The following CACNG8 variants were observed in gnomAD, a reference collection of about 807,000 sequenced individuals.
The protein encoded by CACNG8 is calcium voltage-gated channel auxiliary subunit gamma 8.
Under a neutral mutation model 26.9 loss-of-function variants are expected in CACNG8, and 5 were observed. The ratio of observed to expected loss-of-function variants is 0.19; its 90% CI spans 0.10 to 0.39. CACNG8 has a LOEUF of 0.39. Ranked by LOEUF, CACNG8 falls within the 10% of genes least tolerant of loss-of-function variation. The probability of loss-of-function intolerance (pLI) is 1.00; values close to 1 mark genes in which losing one functional copy is unlikely to be tolerated. For missense variants in CACNG8, 473 were observed against 609.4 expected (o/e 0.78, Z 2.36); for synonymous variants, 321 against 296.7 (o/e 1.08, Z -0.84).
intron 1 of CACNG8, among the ~76,000 whole-genome samples, chr19:53,969,772 T>A (rs1240750096): frequency 6.6e-6 from 1 of 152,204 alleles, no homozygotes; most frequent in Non-Finnish European, 1.5e-5. Context: ...ATGTAATGAC[T>A]GAAACAAGCT....
At chr19:53,973,378 C>G (rs1333929637) in intron 1 of CACNG8, among the ~76,000 whole-genome samples, 2 of 151,676 alleles carry the variant, frequency 1.3e-5, no homozygotes, top group Non-Finnish European at 2.9e-5. Context: ...AAAAAATTAG[C>G]CAGGGGTGGT....
chr19:53,982,774 C>G lies in CACNG8; in HGVS notation c.1203C>G (p.Pro401=), dbSNP rs894861140. 3.9e-6 allele frequency: 5 copies of G among 1,283,118 alleles called. No homozygotes were observed. The highest frequency in any genetic ancestry group is 4.9e-6 in the Non-Finnish European group (5 of 1,013,016). 79.5% of individuals were successfully genotyped at this position (1,283,118 alleles called of 1,614,324 possible). A position where few individuals can be genotyped will look rare whatever the true frequency, so the allele number is the denominator to read the frequency against. Reference sequence around the variant, plus strand: ...CCGCGCCACCCGCGCCCTCTGCGCCCGCCCCCGGGACCCTGGCCAAGGAGG... The same window carrying G: ...CCGCGCCACCCGCGCCCTCTGCGCCGGCCCCCGGGACCCTGGCCAAGGAGG... The change falls in exon 4 of 4, where the codon CCC becomes CCG. Residue 401 remains proline, a synonymous_variant. Coordinates refer to ENST00000270458, the MANE Select transcript of CACNG8 (RefSeq NM_031895.6). The surrounding 1 kb of genome is among the most constrained non-coding windows in gnomAD (Gnocchi z 8.4).
chr19:53,972,936 A>C (rs1245805234), intron 1 of CACNG8, among the ~76,000 whole-genome samples: 1 of 152,072 alleles, frequency 6.6e-6, no homozygotes, highest in Non-Finnish European at 1.5e-5. Flanking sequence ...CACCCCCAAT[A>C]GGGCTTTGGG....
intron 1 of CACNG8, among the ~76,000 whole-genome samples, chr19:53,966,669 C>T (rs1485732685): frequency 1.3e-5 from 2 of 152,338 alleles, no homozygotes; most frequent in South Asian, 2.1e-4. Context: ...GTTGGGATTA[C>T]AGATGTCAGC....
At position 53,987,535 on chromosome 19, in the gene CACNG8, G is replaced by C. The variant is rs927174159; in HGVS notation, c.*4686G>C. 1.3e-5 allele frequency: 2 copies of C among 152,604 alleles called. No homozygotes were observed. Among genetic ancestry groups the C allele is most frequent in the Non-Finnish European group, 2.9e-5 (2 of 68,106 alleles). 9.5% of individuals were successfully genotyped at this position (152,604 alleles called of 1,614,324 possible). On this transcript the variant is annotated 3_prime_UTR_variant, in exon 4 of 4. Transcript: ENST00000270458. The stretch of plus-strand genomic sequence containing the variant: ...TAGTGGGATGGAGGAAGTGGAAGAA[G>C]GCATGGGATTTTGGAGGCTAGAGCC...
At chr19:53,981,187 GC>G (rs1201592837) in intron 3 of CACNG8, among the ~76,000 whole-genome samples, 3 of 152,200 alleles carry the variant, frequency 2.0e-5, no homozygotes, top group Non-Finnish European at 4.4e-5. Context: ...GAAAGGCAGG[GC>G]CTGATCACAG....
chr19:53,968,628 C>CGTG (rs921623555), intron 1 of CACNG8, among the ~76,000 whole-genome samples: 47 of 151,660 alleles, frequency 3.1e-4, no homozygotes, highest in Admixed American at 2.2e-3. Flanking sequence ...ATTAGCCGGG[C>CGTG]GTGGTGGCGT....
intron 1 of CACNG8, among the ~76,000 whole-genome samples, chr19:53,966,032 G>A (rs949051033): frequency 6.6e-6 from 1 of 152,026 alleles, no homozygotes; most frequent in Non-Finnish European, 1.5e-5. Flanking sequence ...AAGAGGTGCA[G>A]TCGTAGGGGT....
chr19:53,972,756 G>A (rs75935813), intron 1 of CACNG8, among the ~76,000 whole-genome samples: 8 of 152,122 alleles, frequency 5.3e-5, no homozygotes, highest in East Asian at 1.9e-4. Context: ...GCTCAGGGAC[G>A]ATCCGGTTCC....
In CACNG8 at chr19:53,982,853, C is replaced by T. The variant is rs1339891361; in HGVS notation, c.*4C>T. 54 of 1,311,394 alleles carry T rather than the reference C, an allele frequency of 4.1e-5. No homozygotes were observed. The highest frequency in any genetic ancestry group is 7.1e-5 in the Admixed American group (2 of 28,266). The allele number at this position is 1,311,394 out of a possible 1,614,324, so 81.2% of individuals were successfully genotyped here. A position where few individuals can be genotyped will look rare whatever the true frequency, so the allele number is the denominator to read the frequency against. On this transcript the variant is annotated 3_prime_UTR_variant, in exon 4 of 4. Transcript: ENST00000270458. The surrounding 1 kb of genome is among the most constrained non-coding windows in gnomAD (Gnocchi z 8.4). ...CAGGAAAACCACGCCTGTGTAGGGG[C>T]GCGGCGGGGGAGCCGAGGGGCGTGT... is the stretch of plus-strand genomic sequence containing the variant.
chr19:53,968,436 TC>T (rs1308878785), intron 1 of CACNG8, among the ~76,000 whole-genome samples: 1 of 150,896 alleles, frequency 6.6e-6, no homozygotes, highest in Non-Finnish European at 1.5e-5. Context: ...TGTCCTTATG[TC>T]ATTGAAGGCT....
At chr19:53,971,880 G>A (rs1281835467) in intron 1 of CACNG8, among the ~76,000 whole-genome samples, 1 of 152,214 alleles carries the variant, frequency 6.6e-6, no homozygotes, top group Non-Finnish European at 1.5e-5. Flanking sequence ...GTCTGCGCTA[G>A]GCAGCCCCTG....
chr19:53,975,521 A>G (rs2014540), intron 1 of CACNG8, among the ~76,000 whole-genome samples: 58,865 of 151,994 alleles, frequency 0.39, 11,615 homozygotes, highest in East Asian at 0.55. Flanking sequence ...CTGGGACTAC[A>G]AGCGTATGCC....
intron 1 of CACNG8, among the ~76,000 whole-genome samples, chr19:53,968,566 G>A (rs912681190): frequency 1.3e-5 from 2 of 151,558 alleles, no homozygotes; most frequent in Non-Finnish European, 1.5e-5. Flanking sequence ...TCAGGAGTTC[G>A]AGACCAGCCT....
chr19:53,978,574 T>C (rs1364345550), intron 2 of CACNG8, among the ~76,000 whole-genome samples: 1 of 151,558 alleles, frequency 6.6e-6, no homozygotes, highest in African/African-American at 2.4e-5. Flanking sequence ...TGTGGGGCAA[T>C]CTGCGGCGGT....
intron 2 of CACNG8, among the ~76,000 whole-genome samples, chr19:53,979,214 G>GA (rs1555815401): frequency 4.3e-5 from 6 of 138,734 alleles, no homozygotes; most frequent in East Asian, 5.0e-4. Context: ...GGTGGGGGGG[G>GA]ACCTATGAAG....
At chr19:53,967,009 C>T (rs557899990) in intron 1 of CACNG8, among the ~76,000 whole-genome samples, 47 of 152,250 alleles carry the variant, frequency 3.1e-4, no homozygotes, top group African/African-American at 9.9e-4. Flanking sequence ...AGGGTTTTTC[C>T]ACCGCAGCAT....
chr19:53,976,713 C>T (rs1038127045), intron 1 of CACNG8, among the ~76,000 whole-genome samples: 59 of 152,118 alleles, frequency 3.9e-4, no homozygotes, highest in African/African-American at 1.4e-3. Flanking sequence ...CGCTTTGTCA[C>T]CCAGGCTGGA....
At chr19:53,972,502 T>C (rs1425231372) in intron 1 of CACNG8, among the ~76,000 whole-genome samples, 1 of 151,452 alleles carries the variant, frequency 6.6e-6, no homozygotes, top group Non-Finnish European at 1.5e-5. Context: ...GTTGGGATTA[T>C]AGGCACCTGC....
Sources: gnomAD v4.1 joint callset for allele counts (sites outside exome capture counted in the v4.1 genomes callset) on GRCh38, gnomAD v4.1.1 for gene constraint, Gnocchi (gnomAD v3.1) non-coding constraint, MANE v1.5 for transcripts, NCBI Gene and HGNC (gene_info 2026-07-23, HGNC 2026-07-21) for gene names.